The following ASTN2 variants were observed in gnomAD, a reference collection of about 807,000 sequenced individuals.
ASTN2 encodes the protein astrotactin-2.
A neutral mutation model predicts 139.8 loss-of-function variants in ASTN2; 54 were observed. The ratio of observed to expected loss-of-function variants is 0.39; its 90% CI spans 0.31 to 0.48. The LOEUF is 0.48. Among genes scored for constraint, ASTN2 ranks in the 20% least tolerant of loss-of-function variants. The probability of loss-of-function intolerance (pLI) is 0.95; values close to 1 mark genes in which losing one functional copy is unlikely to be tolerated. For missense variants in ASTN2, 1,565 were observed against 1,725.1 expected (o/e 0.91, Z 1.64); for synonymous variants, 756 against 719.5 (o/e 1.05, Z -0.81).
At chr9:117,049,569 T>C (rs1399689970) in intron 5 of ASTN2, among the ~76,000 whole-genome samples, 2 of 152,216 alleles carry the variant, frequency 1.3e-5, no homozygotes, top group African/African-American at 4.8e-5. Flanking sequence ...GTATGTACAT[T>C]ATCCTATTTA....
At chr9:117,372,925 C>A (rs1830026357) in intron 1 of ASTN2, among the ~76,000 whole-genome samples, 1 of 152,082 alleles carries the variant, frequency 6.6e-6, no homozygotes, top group African/African-American at 2.4e-5. Context: ...CTACTTGATT[C>A]TCGTGGTTCT....
At chr9:117,388,244 T>C (rs1830451191) in intron 1 of ASTN2, among the ~76,000 whole-genome samples, 2 of 152,244 alleles carry the variant, frequency 1.3e-5, no homozygotes, top group Middle Eastern at 3.2e-3. Flanking sequence ...TATTTTAGTA[T>C]TGATTCCTAG....
chr9:117,378,940 A>G (rs377151285), intron 1 of ASTN2, among the ~76,000 whole-genome samples: 2 of 152,042 alleles, frequency 1.3e-5, no homozygotes, highest in East Asian at 3.9e-4. Context: ...AGTTCTTACA[A>G]GATCTGGTTG....
At chr9:116,693,836 A>C (rs1046559703) in intron 16 of ASTN2, among the ~76,000 whole-genome samples, 7 of 152,208 alleles carry the variant, frequency 4.6e-5, no homozygotes, top group Admixed American at 3.9e-4. Flanking sequence ...TTGACCTTCT[A>C]TCTGAGTCAT....
chr9:117,067,342 C>A, intron 5 of ASTN2, among the ~76,000 whole-genome samples: 1 of 137,192 alleles, frequency 7.3e-6, no homozygotes, highest in Non-Finnish European at 1.6e-5. Flanking sequence ...TTTCTGAGGG[C>A]TCTGTTCTGT....
chr9:117,146,576 G>T (rs1342588430), intron 3 of ASTN2, among the ~76,000 whole-genome samples: 1 of 151,848 alleles, frequency 6.6e-6, no homozygotes, highest in Non-Finnish European at 1.5e-5. Flanking sequence ...AAGAAGCAGA[G>T]AGGCAGAACA....
chr9:116,564,338 G>A (rs1853075127), intron 19 of ASTN2, among the ~76,000 whole-genome samples: 1 of 152,114 alleles, frequency 6.6e-6, no homozygotes, highest in African/African-American at 2.4e-5. Context: ...ATAAATGATG[G>A]CATGGCAACC....
intron 16 of ASTN2, among the ~76,000 whole-genome samples, chr9:116,662,936 A>G (rs1460979755): frequency 6.6e-6 from 1 of 152,226 alleles, no homozygotes; most frequent in African/African-American, 2.4e-5. Context: ...AGGCATTCAA[A>G]GACTGACTCC....
chr9:117,347,318 A>C (rs537261977), intron 1 of ASTN2, among the ~76,000 whole-genome samples: 4 of 152,028 alleles, frequency 2.6e-5, no homozygotes, highest in Non-Finnish European at 5.9e-5. Flanking sequence ...GCACACATAG[A>C]TGGCTGTCAA....
chr9:117,259,567 A>T (rs1833773496), intron 2 of ASTN2, among the ~76,000 whole-genome samples: 1 of 152,090 alleles, frequency 6.6e-6, no homozygotes, highest in African/African-American at 2.4e-5. Flanking sequence ...GCATTATAAA[A>T]CCTTGGTCAT....
At position 116,778,464 on chromosome 9, in the gene ASTN2, A is replaced by G. The variant is rs115244984; in HGVS notation, c.2396+27168T>C. On this transcript the variant is annotated intron_variant, in intron 13 of 22. Transcript: ENST00000313400. ...TGTGCTTATTATTTGAGGATCAATT[A>G]CTAAAAAAAATTAAAAAGACCATAG... 6.9e-3 allele frequency among the ~76,000 whole-genome samples: 1,051 copies of G among 152,300 alleles called. 6 individuals carry two copies. The highest frequency in any genetic ancestry group is 0.024 in the African/African-American group (1,007 of 41,554).
chr9:116,877,801 T>G (rs1248758144), intron 10 of ASTN2, among the ~76,000 whole-genome samples: 2 of 151,958 alleles, frequency 1.3e-5, no homozygotes, highest in Non-Finnish European at 2.9e-5. Flanking sequence ...CTTCTCCTCC[T>G]GTACTTGTTC....
intron 2 of ASTN2, among the ~76,000 whole-genome samples, chr9:117,259,440 C>T (rs889206578): frequency 5.3e-5 from 8 of 152,124 alleles, no homozygotes; most frequent in South Asian, 2.1e-4. Flanking sequence ...TTATGCCCTC[C>T]TCCCTTTGGG....
chr9:116,733,441 C>A lies in ASTN2; in HGVS notation c.2479G>T (p.Gly827Trp). The A allele has an allele frequency of 6.2e-7, 1 of 1,614,076 alleles. No homozygotes were observed. The change falls in exon 14 of 23, where the codon GGG (glycine) becomes TGG (tryptophan). Residue 827 changes from glycine to tryptophan, a missense_variant. By Grantham distance (184) the Gly-to-Trp change is radical. Coordinates refer to ENST00000313400, the MANE Select transcript of ASTN2 (RefSeq NM_001365068.1). Reference sequence around the variant, plus strand: ...TCTGGAAGGGGCTCGGAGAGGACCCCCCGGCACTGCTCCTCCACCGGCAGC... The same window carrying A: ...TCTGGAAGGGGCTCGGAGAGGACCCACCGGCACTGCTCCTCCACCGGCAGC... ...IPLPVEEQCR[G>W]VLSEPLPDLQ...
Position 117,094,219 on chromosome 9 carries a change from A to G in ASTN2, c.1276+1825T>C, listed in dbSNP as rs12351817. On this transcript the variant is annotated intron_variant, in intron 5 of 22. Coordinates refer to ENST00000313400, the MANE Select transcript of ASTN2 (RefSeq NM_001365068.1). ...GAGGAGAGGAGAGGAGAGGAGAGGA[A>G]AGGAAAGAGGGAAGAAGGGAGGGAG... 7.8e-3 allele frequency among the ~76,000 whole-genome samples: 736 copies of G among 94,502 alleles called. 4 individuals carry two copies. The highest frequency in any genetic ancestry group is 0.021 in the South Asian group (60 of 2,926). The allele number at this position is 94,502 out of a possible 152,430, so 62.0% of individuals were successfully genotyped here.
chr9:116,472,174 C>A lies in ASTN2; in HGVS notation c.3497+15185G>T, dbSNP rs569569429. On this transcript the variant is annotated intron_variant, in intron 20 of 22. Coordinates refer to ENST00000313400, the MANE Select transcript of ASTN2 (RefSeq NM_001365068.1). ...CCTTAGCACACGTTATGAGGCCTTG[C>A]AAGTCCTGCCTCTCCAACCTCATAT... is the stretch of plus-strand genomic sequence containing the variant. Among the ~76,000 whole-genome samples, 9 of 152,278 alleles carry A rather than the reference C, an allele frequency of 5.9e-5. No individual in the cohort carries two copies. The South Asian group carries it at 1.9e-3, about 32-fold the overall frequency.
At chr9:116,681,722 A>C (rs912807071) in intron 16 of ASTN2, among the ~76,000 whole-genome samples, 2 of 151,934 alleles carry the variant, frequency 1.3e-5, no homozygotes, top group African/African-American at 4.8e-5. Flanking sequence ...ATAACACCGC[A>C]TATCTACAAC....
At chr9:117,089,467 A>G (rs1828647780) in intron 5 of ASTN2, among the ~76,000 whole-genome samples, 1 of 152,236 alleles carries the variant, frequency 6.6e-6, no homozygotes, top group Non-Finnish European at 1.5e-5. Flanking sequence ...TTGATCAAAC[A>G]TAGAATGCCT....
At chr9:116,671,996 G>A (rs1859224922) in intron 16 of ASTN2, among the ~76,000 whole-genome samples, 1 of 152,158 alleles carries the variant, frequency 6.6e-6, no homozygotes, top group Non-Finnish European at 1.5e-5. Flanking sequence ...AAAGTGTGTT[G>A]TTTCGAGTGG....
Sources: gnomAD v4.1 joint callset for allele counts (sites outside exome capture counted in the v4.1 genomes callset) on GRCh38, gnomAD v4.1.1 for gene constraint, MANE v1.5 for transcripts, NCBI Gene and HGNC (gene_info 2026-07-23, HGNC 2026-07-21) for gene names.